GPRC5B: variants seen among roughly 807,000 people sequenced by gnomAD.
GPRC5B encodes the protein G protein-coupled receptor family C group 5 member B.
Under a neutral mutation model 30.1 loss-of-function variants are expected in GPRC5B, and 16 were observed. That is an observed-to-expected ratio of 0.53 (90% confidence interval 0.36 to 0.81). The LOEUF (loss-of-function observed/expected upper bound fraction) is 0.81, where lower values mean the gene tolerates loss of function less well. Ranked by LOEUF, GPRC5B falls within the 30% of genes least tolerant of loss-of-function variation. GPRC5B has a pLI of 0.01. For synonymous variants in GPRC5B, 241 were observed against 239.5 expected (o/e 1.01, Z -0.06); for missense variants, 428 against 544.7 (o/e 0.79, Z 2.13).
rs569493402 is a variant in GPRC5B at position 19,861,087 on chromosome 16, T to TTAAAAAAAAAAAA, written c.1168-544_1168-543insTTTTTTTTTTTTA. On this transcript the variant is annotated intron_variant, in intron 3 of 3. Transcript: ENST00000300571. ...GATCAAAGACCATCCCTGATTTACA[T>TTAAAAAAAAAAAA]AAAAAAAAAAAAAAAAAGAAGAATG... 1.4e-3 allele frequency among the ~76,000 whole-genome samples: 130 copies of TTAAAAAAAAAAAA among 93,338 alleles called. 7 individuals carry two copies. The highest frequency in any genetic ancestry group is 0.012 in the South Asian group (31 of 2,518). The allele number at this position is 93,338 out of a possible 152,430, so 61.2% of individuals were successfully genotyped here. A position where few individuals can be genotyped will look rare whatever the true frequency, so the allele number is the denominator to read the frequency against.
chr16:19,863,057 C>T (rs1039995587), intron 2 of GPRC5B, among the ~76,000 whole-genome samples: 13 of 152,182 alleles, frequency 8.5e-5, no homozygotes, highest in African/African-American at 2.9e-4. Flanking sequence ...CACAGAGCGC[C>T]AACCAGGAGC....
chr16:19,884,744 C>G lies in GPRC5B; in HGVS notation c.-19G>C. 1.0e-6 allele frequency: 1 copy of G among 985,060 alleles called. No homozygotes were observed. The highest frequency in any genetic ancestry group is 1.2e-6 in the Non-Finnish European group (1 of 829,756). The allele number at this position is 985,060 out of a possible 1,614,324, so 61.0% of individuals were successfully genotyped here. A position where few individuals can be genotyped will look rare whatever the true frequency, so the allele number is the denominator to read the frequency against. ...GCACTTACCGACCCCCGCGGCCCCG[C>G]AGCGCCGACGCTCCAGCTGGCCTTC... On this transcript the variant is annotated 5_prime_UTR_variant, in exon 1 of 4. Transcript: ENST00000300571.
chr16:19,880,355 T>G (rs1437624875), intron 1 of GPRC5B, among the ~76,000 whole-genome samples: 1 of 149,502 alleles, frequency 6.7e-6, no homozygotes, highest in East Asian at 2.0e-4. Context: ...TCTGGAAGGC[T>G]GAGGTGGGAG....
intron 1 of GPRC5B, among the ~76,000 whole-genome samples, chr16:19,873,929 G>A (rs942280529): frequency 1.3e-5 from 2 of 152,048 alleles, no homozygotes; most frequent in Non-Finnish European, 2.9e-5. Context: ...ACAGGCGTGC[G>A]CCACCACGCC....
At chr16:19,873,644 T>C (rs2056740248) in intron 1 of GPRC5B, among the ~76,000 whole-genome samples, 1 of 152,174 alleles carries the variant, frequency 6.6e-6, no homozygotes, top group African/African-American at 2.4e-5. Context: ...CACAATGCCC[T>C]GTGAGACAGC....
rs769178136 is a variant in GPRC5B at position 19,872,266 on chromosome 16, C to T, written c.580G>A (p.Ala194Thr). 31 of 1,614,074 alleles carry T rather than the reference C, an allele frequency of 1.9e-5. No individual in the cohort carries two copies. Among genetic ancestry groups the T allele is most frequent in the Admixed American group, 6.7e-5 (4 of 60,008 alleles). The change falls in exon 2 of 4, where the codon GCC becomes ACC. Residue 194 changes from alanine to threonine, a missense_variant. Physicochemically the swap from Ala to Thr is moderately conservative, Grantham distance 58. Coordinates refer to ENST00000300571, the MANE Select transcript of GPRC5B (RefSeq NM_016235.3). The surrounding 1 kb of genome is among the most constrained non-coding windows in gnomAD (Gnocchi z 5.0). Reference protein sequence around the residue: ...TVLRDTRPACAYEPMDFVMAL... With the variant: ...TVLRDTRPACTYEPMDFVMAL... ...ATCACAAAGTCCATGGGCTCGTAGGCGCAGGCTGGCCTTGTGTCACGCAGC... is the reference window on the plus strand; with the variant it reads ...ATCACAAAGTCCATGGGCTCGTAGGTGCAGGCTGGCCTTGTGTCACGCAGC...
intron 1 of GPRC5B, among the ~76,000 whole-genome samples, chr16:19,881,963 A>G (rs1206670588): frequency 6.6e-6 from 1 of 152,192 alleles, no homozygotes; most frequent in Non-Finnish European, 1.5e-5. Context: ...CACGTGTGGC[A>G]GAGGCTCAGG....
intron 1 of GPRC5B, among the ~76,000 whole-genome samples, chr16:19,884,362 T>A (rs944414005): frequency 1.3e-5 from 2 of 150,604 alleles, no homozygotes; most frequent in African/African-American, 4.9e-5. Context: ...TCCTCACACA[T>A]GACGAGTCAC....
At position 19,859,312 on chromosome 16, in the gene GPRC5B, A is replaced by G. The variant is rs1321582031; in HGVS notation, c.*1188T>C. Reference sequence around the variant, plus strand: ...GAATGACTTGCTCAGGACAGATGGAAACCATGACAGAAACAATGGGCTTGG... The same window carrying G: ...GAATGACTTGCTCAGGACAGATGGAGACCATGACAGAAACAATGGGCTTGG... On this transcript the variant is annotated 3_prime_UTR_variant, in exon 4 of 4. Transcript: ENST00000300571. The G allele has an allele frequency of 6.5e-6, 1 of 152,696 alleles. No homozygotes were observed. Among genetic ancestry groups the G allele is most frequent in the Non-Finnish European group, 1.5e-5 (1 of 68,084 alleles). The allele number at this position is 152,696 out of a possible 1,614,324, so 9.5% of individuals were successfully genotyped here.
At chr16:19,865,079 T>G (rs1289579928) in intron 2 of GPRC5B, among the ~76,000 whole-genome samples, 2 of 144,160 alleles carry the variant, frequency 1.4e-5, no homozygotes, top group African/African-American at 5.0e-5. Flanking sequence ...TTATTTTTAG[T>G]TTTTTTTTTT....
At chr16:19,879,011 G>A (rs570694360) in intron 1 of GPRC5B, among the ~76,000 whole-genome samples, 10 of 152,228 alleles carry the variant, frequency 6.6e-5, no homozygotes, top group South Asian at 4.1e-4. Flanking sequence ...AGCGAGAGCC[G>A]GAACTCAGAG....
intron 2 of GPRC5B, among the ~76,000 whole-genome samples, chr16:19,866,416 A>G (rs1163805925): frequency 1.3e-5 from 2 of 151,638 alleles, no homozygotes; most frequent in Non-Finnish European, 2.9e-5. Flanking sequence ...GGATGCAGTG[A>G]CGCGATCTCA....
intron 2 of GPRC5B, among the ~76,000 whole-genome samples, chr16:19,863,927 G>A (rs975781339): frequency 1.3e-5 from 2 of 151,872 alleles, no homozygotes; most frequent in East Asian, 1.9e-4. Flanking sequence ...TCCTGAAACC[G>A]CCCCCCAACC....
chr16:19,866,779 G>C (rs1313120453), intron 2 of GPRC5B, among the ~76,000 whole-genome samples: 1 of 152,050 alleles, frequency 6.6e-6, no homozygotes, highest in Non-Finnish European at 1.5e-5. Flanking sequence ...TTTTTGCTTT[G>C]GAAAAGAAAG....
intron 1 of GPRC5B, among the ~76,000 whole-genome samples, chr16:19,878,270 G>C (rs1331606018): frequency 6.6e-6 from 1 of 151,600 alleles, no homozygotes; most frequent in Non-Finnish European, 1.5e-5. Flanking sequence ...AATCTTTTGA[G>C]TGATATCTTT....
intron 2 of GPRC5B, among the ~76,000 whole-genome samples, chr16:19,864,243 C>T (rs1326934888): frequency 6.6e-6 from 1 of 152,206 alleles, no homozygotes; most frequent in East Asian, 1.9e-4. Flanking sequence ...AACTCGGGGC[C>T]TTCTAGCAAG....
At position 19,858,308 on chromosome 16, in the gene GPRC5B, A is replaced by G. The variant is rs2056589236; in HGVS notation, c.*2192T>C. On this transcript the variant is annotated 3_prime_UTR_variant, in exon 4 of 4. Coordinates refer to ENST00000300571, the MANE Select transcript of GPRC5B (RefSeq NM_016235.3). ...AAAACAAAACCCTAAGTGCGATAAC[A>G]TATCAGATTTAAAAGGGGGGAAAAA... 2.2e-6 allele frequency: 1 copy of G among 446,116 alleles called. No individual in the cohort carries two copies. Among genetic ancestry groups the G allele is most frequent in the South Asian group, 6.1e-5 (1 of 16,312 alleles). The allele number at this position is 446,116 out of a possible 1,614,324, so 27.6% of individuals were successfully genotyped here.
chr16:19,878,227 A>AC (rs199803404), intron 1 of GPRC5B, among the ~76,000 whole-genome samples: 19,488 of 148,690 alleles, frequency 0.13, 1,555 homozygotes, highest in Non-Finnish European at 0.18. Flanking sequence ...AAACAAACAA[A>AC]AAAACCCAAA....
rs115211701 is a variant in GPRC5B, at chr16:19,857,132, A to G, written c.*3368T>C. ...GTCTAAGTCCCAAAGTATTATATAG[A>G]AAGTTCCTGCTTTTATGGGTAAACT... On this transcript the variant is annotated 3_prime_UTR_variant, in exon 4 of 4. Coordinates refer to ENST00000300571, the MANE Select transcript of GPRC5B (RefSeq NM_016235.3). 668 of 202,760 alleles carry G rather than the reference A, an allele frequency of 3.3e-3. 4 individuals are homozygous for G. Among genetic ancestry groups the G allele is most frequent in the African/African-American group, 0.015 (630 of 41,934 alleles). 12.6% of individuals were successfully genotyped at this position (202,760 alleles called of 1,614,324 possible).
Sources: gnomAD v4.1 joint callset for allele counts (sites outside exome capture counted in the v4.1 genomes callset) on GRCh38, gnomAD v4.1.1 for gene constraint, Gnocchi (gnomAD v3.1) non-coding constraint, MANE v1.5 for transcripts, NCBI Gene and HGNC (gene_info 2026-07-23, HGNC 2026-07-21) for gene names.